The following VPS13B variants were observed in gnomAD, a reference collection of about 807,000 sequenced individuals.
VPS13B encodes the protein intermembrane lipid transfer protein VPS13B.
VPS13B carries 285 observed loss-of-function variants against 426.4 expected under a neutral mutation model. The observed-to-expected ratio is 0.67, with a 90% CI of 0.61 to 0.74. The LOEUF (loss-of-function observed/expected upper bound fraction) is 0.74, where lower values mean the gene tolerates loss of function less well. Ranked by LOEUF, VPS13B falls within the 30% of genes least tolerant of loss-of-function variation. VPS13B has a pLI of 0.00. For missense variants in VPS13B, 4,537 were observed against 4,782.6 expected (o/e 0.95, Z 1.51); for synonymous variants, 1,676 against 1,676.4 (o/e 1.00, Z 0.01).
intron 39 of VPS13B, among the ~76,000 whole-genome samples, chr8:99,740,087 C>T (rs552141253): frequency 3.9e-5 from 6 of 152,182 alleles, no homozygotes; most frequent in Non-Finnish European, 5.9e-5. Context: ...AAAAATTAGA[C>T]GAATGGCTAA....
At chr8:99,035,403 A>G (rs760807107) in intron 2 of VPS13B, among the ~76,000 whole-genome samples, 9 of 152,178 alleles carry the variant, frequency 5.9e-5, no homozygotes, top group African/African-American at 1.9e-4. Flanking sequence ...GATACCTTAT[A>G]TATGTGGAAT....
chr8:99,152,319 GT>G (rs1438492896), intron 14 of VPS13B, among the ~76,000 whole-genome samples: 10 of 152,214 alleles, frequency 6.6e-5, no homozygotes, highest in Admixed American at 3.9e-4. Flanking sequence ...ACATTTTTTA[GT>G]TATGTTACTG....
At chr8:99,562,052 G>A (rs377265630) in intron 31 of VPS13B, among the ~76,000 whole-genome samples, 5 of 152,186 alleles carry the variant, frequency 3.3e-5, no homozygotes, top group South Asian at 2.1e-4. Context: ...TTGAGGGTTC[G>A]TTTCTCCACA....
chr8:99,026,567 A>G (rs754236048), intron 2 of VPS13B, among the ~76,000 whole-genome samples: 20 of 152,168 alleles, frequency 1.3e-4, no homozygotes, highest in Non-Finnish European at 2.8e-4. Flanking sequence ...TATTATTGTA[A>G]TGGAGTCTAT....
At position 99,105,747 on chromosome 8, in the gene VPS13B, C is replaced by T. The variant is rs150302192; in HGVS notation, c.580+2627C>T. Among the ~76,000 whole-genome samples the T allele has an allele frequency of 3.5e-3, 526 of 152,182 alleles. 2 individuals are homozygous for T. The highest frequency in any genetic ancestry group is 5.7e-3 in the Non-Finnish European group (386 of 68,006). ...AATTTAATTTAGTATAGAAGCAATG[C>T]CAGTTTTACTTTGGGAAATTATTTA... On this transcript the variant is annotated intron_variant, in intron 5 of 61. Transcript: ENST00000357162.
intron 14 of VPS13B, among the ~76,000 whole-genome samples, chr8:99,153,332 C>G (rs1811175199): frequency 6.6e-6 from 1 of 152,158 alleles, no homozygotes; most frequent in Non-Finnish European, 1.5e-5. Context: ...TAACATCAAC[C>G]ATACTTCTTG....
intron 33 of VPS13B, among the ~76,000 whole-genome samples, chr8:99,629,677 T>G (rs930658588): frequency 6.6e-6 from 1 of 152,134 alleles, no homozygotes; most frequent in African/African-American, 2.4e-5. Context: ...AGAGGAGCAG[T>G]GAGGTGTGGG....
intron 3 of VPS13B, chr8:99,091,996 G>A (rs1439497914): frequency 6.6e-6 from 1 of 152,118 alleles, no homozygotes; most frequent in African/African-American, 2.4e-5. Flanking sequence ...TTTTAGACAA[G>A]GACTTCAATG....
At chr8:99,382,800 C>G (rs770894848) in intron 19 of VPS13B, among the ~76,000 whole-genome samples, 13 of 152,118 alleles carry the variant, frequency 8.5e-5, no homozygotes, top group African/African-American at 2.7e-4. Flanking sequence ...ATCTGGATAG[C>G]CTTTATTTCT....
chr8:99,560,030 T>C (rs1253280683), intron 31 of VPS13B, among the ~76,000 whole-genome samples: 3 of 152,232 alleles, frequency 2.0e-5, no homozygotes, highest in Admixed American at 2.0e-4. Context: ...TGATTCTTCC[T>C]ATCTGTGAGC....
At chr8:99,092,975 G>A (rs1846224203) in intron 3 of VPS13B, among the ~76,000 whole-genome samples, 1 of 149,772 alleles carries the variant, frequency 6.7e-6, no homozygotes, top group Non-Finnish European at 1.5e-5. Flanking sequence ...TAATTGCTAT[G>A]TATTATATAC....
chr8:99,662,464 T>A (rs1474911926), intron 35 of VPS13B, among the ~76,000 whole-genome samples: 1 of 150,730 alleles, frequency 6.6e-6, no homozygotes, highest in Non-Finnish European at 1.5e-5. Context: ...TTATTTATTT[T>A]TTGAGACCAT....
chr8:99,444,221 C>T (rs1817809134), intron 23 of VPS13B, among the ~76,000 whole-genome samples: 1 of 152,004 alleles, frequency 6.6e-6, no homozygotes, highest in Non-Finnish European at 1.5e-5. Context: ...GCCTCAGCCT[C>T]CCGAGCAGCT....
intron 36 of VPS13B, among the ~76,000 whole-genome samples, chr8:99,706,112 C>G (rs1832486902): frequency 6.6e-6 from 1 of 152,016 alleles, no homozygotes; most frequent in Non-Finnish European, 1.5e-5. Context: ...TAATTAAGCC[C>G]TTTTGAAATG....
chr8:99,384,447 C>A, intron 20 of VPS13B, 130 bp downstream of exon 20: 1 of 736,638 alleles, frequency 1.4e-6, no homozygotes, highest in Non-Finnish European at 2.3e-6. Context: ...CCCACCTTAC[C>A]CCTTTCAAAC....
chr8:99,234,231 G>T (rs1816516529), intron 17 of VPS13B: 36 of 774,094 alleles, frequency 4.7e-5, no homozygotes, highest in South Asian at 4.3e-4. Context: ...CTCCTCCATG[G>T]CTATTTTGCT....
At chr8:99,340,879 C>T (rs767617699) in intron 19 of VPS13B, 38 of 313,612 alleles carry the variant, frequency 1.2e-4, no homozygotes, top group Non-Finnish European at 2.3e-4. Context: ...GCTGGTTCAG[C>T]TGTGGTTGTC....
At chr8:99,620,986 CAAAAAAAAAAAAAA>C (rs397892235) in intron 33 of VPS13B, among the ~76,000 whole-genome samples, 1 of 50,858 alleles carries the variant, frequency 2.0e-5, no homozygotes, top group Non-Finnish European at 4.0e-5. Context: ...AACTCCATCT[CAAAAAAAAAAAAAA>C]AAAAAAAAAA....
intron 51 of VPS13B, among the ~76,000 whole-genome samples, chr8:99,826,845 T>C (rs1814716892): frequency 6.6e-6 from 1 of 152,202 alleles, no homozygotes; most frequent in Non-Finnish European, 1.5e-5. Context: ...TTTTGGTCAT[T>C]GGTTCTGTTC....
Sources: gnomAD v4.1 joint callset for allele counts (sites outside exome capture counted in the v4.1 genomes callset) on GRCh38, gnomAD v4.1.1 for gene constraint, MANE v1.5 for transcripts, NCBI Gene and HGNC (gene_info 2026-07-23, HGNC 2026-07-21) for gene names.